Variants in ANKRD28 observed in about 807,000 individuals in gnomAD.
ANKRD28 encodes serine/threonine-protein phosphatase 6 regulatory ankyrin repeat subunit A.
A neutral mutation model predicts 126.5 loss-of-function variants in ANKRD28; 44 were observed. The observed-to-expected ratio is 0.35, with a 90% confidence interval of 0.27 to 0.45. The LOEUF (loss-of-function observed/expected upper bound fraction) is 0.45. Among genes scored for constraint, ANKRD28 ranks in the 20% least tolerant of loss-of-function variants. The pLI is 1.00. For synonymous variants in ANKRD28, 442 were observed against 468.5 expected, an observed-to-expected ratio of 0.94 and a Z score of 0.73; for missense variants, 1,110 against 1,316.6, an observed-to-expected ratio of 0.84 and a Z score of 2.43.
At chr3:15,746,719 T>C (rs1015387905) in intron 4 of ANKRD28, among the ~76,000 whole-genome samples, 4 of 152,318 alleles carry the variant, frequency 2.6e-5, no homozygotes, top group Admixed American at 1.3e-4. Flanking sequence ...ACTGGCTTCA[T>C]AGAATGATTT....
intron 11 of ANKRD28, 104 bp from the exon 12 acceptor site, chr3:15,711,378 A>G: frequency 1.1e-6 from 1 of 924,762 alleles, no homozygotes; most frequent in Non-Finnish European, 1.7e-6. Context: ...AATCCCAAAC[A>G]AAACTATGGG....
At chr3:15,691,551 T>C (rs1168277786) in intron 17 of ANKRD28, among the ~76,000 whole-genome samples, 1 of 152,182 alleles carries the variant, frequency 6.6e-6, no homozygotes, top group Non-Finnish European at 1.5e-5. Flanking sequence ...AAGAAATAAA[T>C]AAACTTCAAA....
intron 2 of ANKRD28, among the ~76,000 whole-genome samples, chr3:15,774,263 A>C (rs2059154759): frequency 6.6e-6 from 1 of 152,238 alleles, no homozygotes; most frequent in Non-Finnish European, 1.5e-5. Flanking sequence ...TAATGAATTA[A>C]ACTTCATCAA....
chr3:15,791,639 G>C lies in ANKRD28; in HGVS notation c.201+3584C>G, dbSNP rs2060032152. Among the ~76,000 whole-genome samples, 3 of 151,722 alleles carry C rather than the reference G, an allele frequency of 2.0e-5. No individual in the cohort carries two copies. In the South Asian group the frequency reaches 6.2e-4, roughly 32 times the overall value. On this transcript the variant is annotated intron_variant, in intron 2 of 27. Coordinates refer to ENST00000683139, the MANE Select transcript of ANKRD28 (RefSeq NM_001349278.2). ...CAAAATGCATTAAATACTTCAAACT[G>C]AATCTAATACAAGAAAACACTGGGG...
chr3:15,707,785 T>C (rs1345202760), intron 14 of ANKRD28, 139 bp downstream of exon 14: 3 of 1,025,576 alleles, frequency 2.9e-6, no homozygotes, highest in Non-Finnish European at 4.1e-6. Context: ...AACCAATCTA[T>C]TTCCCAAAAT....
rs1164159925 is a variant in ANKRD28 at position 15,815,776 on chromosome 3, C to T, written c.28-20470G>A. Among the ~76,000 whole-genome samples, 1 of 152,118 alleles carries T rather than the reference C, an allele frequency of 6.6e-6. No individual in the cohort carries two copies. Among genetic ancestry groups the T allele is most frequent in the Non-Finnish European group, 1.5e-5 (1 of 68,020 alleles). ...TAAACATAAAAATCTGTTATTTCTT[C>T]CCTTGTCAAAATTATTTATGAACAA... On this transcript the variant is annotated intron_variant, in intron 1 of 27. Coordinates refer to the ANKRD28 transcript ENST00000399451. The surrounding 1 kb of genome is among the most constrained non-coding windows in gnomAD (Gnocchi z 4.1).
At chr3:15,749,791 G>A (rs981226389) in intron 4 of ANKRD28, among the ~76,000 whole-genome samples, 1 of 152,222 alleles carries the variant, frequency 6.6e-6, no homozygotes, top group African/African-American at 2.4e-5. Flanking sequence ...ACCCAGTGGA[G>A]CTACTAGGCT....
At chr3:15,743,355 AAAACAAAC>A (rs539157166) in intron 4 of ANKRD28, among the ~76,000 whole-genome samples, 174 of 150,928 alleles carry the variant, frequency 1.2e-3, no homozygotes, top group African/African-American at 3.2e-3. Flanking sequence ...TGATCAATAA[AAAACAAAC>A]AAACAAACAA....
intron 2 of ANKRD28, among the ~76,000 whole-genome samples, chr3:15,792,760 A>C (rs545895084): frequency 2.0e-5 from 3 of 152,314 alleles, no homozygotes; most frequent in Admixed American, 1.3e-4. Flanking sequence ...ATGAATACCT[A>C]ATTCTTCATG....
chr3:15,672,992 T>C (rs1397839773), intron 27 of ANKRD28, among the ~76,000 whole-genome samples: 4 of 149,574 alleles, frequency 2.7e-5, no homozygotes, highest in Admixed American at 6.7e-5. Flanking sequence ...GCGGGGCTGG[T>C]CTCGAACTCC....
chr3:15,685,427 C>G lies in ANKRD28; in HGVS notation c.2188G>C (p.Glu730Gln). Reference protein sequence around the residue: ...LHRGAVTGHEECVDALLQHGA... With the variant: ...LHRGAVTGHEQCVDALLQHGA... The stretch of plus-strand genomic sequence containing the variant: ...TGTTGAAGTAATGCATCTACACATT[C>G]TTCATGGCCTGTAACTGCCTGAAAG... The change falls in exon 21 of 28, where the codon GAA (glutamate) becomes CAA (glutamine). Residue 730 changes from glutamate (E) to glutamine (Q), a missense_variant. By Grantham distance (29) the Glu-to-Gln change is conservative. Transcript: ENST00000683139. The G allele has an allele frequency of 6.2e-7, 1 of 1,614,000 alleles. No individual in the cohort carries two copies. The highest frequency in any genetic ancestry group is 1.1e-5 in the South Asian group (1 of 91,090).
At chr3:15,709,561 G>A (rs1223805643) in intron 13 of ANKRD28, 107 bp downstream of exon 13, 3 of 711,418 alleles carry the variant, frequency 4.2e-6, no homozygotes, top group Non-Finnish European at 7.1e-6. Context: ...ATCATGATCA[G>A]TGTACAAGAT....
At chr3:15,827,249 A>G (rs1487827326) in intron 1 of ANKRD28, among the ~76,000 whole-genome samples, 1 of 152,230 alleles carries the variant, frequency 6.6e-6, no homozygotes, top group African/African-American at 2.4e-5. Flanking sequence ...CATATGATCC[A>G]GTAATCCCAC....
At chr3:15,740,298 A>T (rs67499941) in intron 4 of ANKRD28, among the ~76,000 whole-genome samples, 5 of 152,140 alleles carry the variant, frequency 3.3e-5, no homozygotes, top group Non-Finnish European at 7.3e-5. Flanking sequence ...ACTGGGATAA[A>T]GGTTACACAG....
intron 3 of ANKRD28, among the ~76,000 whole-genome samples, chr3:15,765,478 C>G (rs1277422165): frequency 6.6e-6 from 1 of 152,052 alleles, no homozygotes; most frequent in African/African-American, 2.4e-5. Context: ...ACCGTTACCT[C>G]CACCTAGGAG....
chr3:15,766,268 T>C lies in ANKRD28; in HGVS notation c.246A>G (p.Gly82=), dbSNP rs2058732174. Residue 82 remains glycine, a synonymous_variant, in exon 3 of 28, where the codon GGA becomes GGG. Transcript: ENST00000683139. ...TAAGAAGTTCAATGATTTCTGCATC[T>C]CCAAGGTAAGCTGCGGCGTGCAATG... is the stretch of plus-strand genomic sequence containing the variant. ...RTPLHAAAYL[G]DAEIIELLIL... 1 of 1,611,654 alleles carries C rather than the reference T, an allele frequency of 6.2e-7. No individual in the cohort carries two copies. The highest frequency in any genetic ancestry group is 8.5e-7 in the Non-Finnish European group (1 of 1,178,398).
At chr3:15,847,795 C>A (rs2061559237) in intron 1 of ANKRD28, among the ~76,000 whole-genome samples, 1 of 152,224 alleles carries the variant, frequency 6.6e-6, no homozygotes, top group Non-Finnish European at 1.5e-5. Context: ...TCCAGCTTCA[C>A]CTTCAACACA....
rs908160777 is a variant in ANKRD28, at chr3:15,830,225, A to G, written c.27+29152T>C. On this transcript the variant is annotated intron_variant, in intron 1 of 27. Coordinates refer to the ANKRD28 transcript ENST00000399451. This position sits in a 1 kb window ranked among gnomAD's most constrained non-coding sequence, Gnocchi z 4.5. ...AATGTCGAAGTAAAAAACGCATATA[A>G]CATTTTATTATTATGATAACAGTTT... Among the ~76,000 whole-genome samples the G allele has an allele frequency of 6.6e-6, 1 of 152,156 alleles. No individual in the cohort carries two copies. The highest frequency in any genetic ancestry group is 2.4e-5 in the African/African-American group (1 of 41,426).
intron 1 of ANKRD28, among the ~76,000 whole-genome samples, chr3:15,835,267 G>GT (rs1243032499): frequency 6.6e-6 from 1 of 152,194 alleles, no homozygotes; most frequent in African/African-American, 2.4e-5. Context: ...TAAGCAATCT[G>GT]TTCATCCTAT....
Sources: gnomAD v4.1 joint callset for allele counts (sites outside exome capture counted in the v4.1 genomes callset) on GRCh38, gnomAD v4.1.1 for gene constraint, Gnocchi (gnomAD v3.1) non-coding constraint, MANE v1.5 for transcripts, NCBI Gene and HGNC (gene_info 2026-07-23, HGNC 2026-07-21) for gene names.